The following NCOR2 variants were observed in gnomAD, a reference collection of about 807,000 sequenced individuals.
The protein encoded by NCOR2 is nuclear receptor corepressor 2, also known as CTG repeat protein 26.
Under a neutral mutation model 262.9 loss-of-function variants are expected in NCOR2, and 81 were observed. The observed-to-expected ratio is 0.31, with a 90% CI of 0.26 to 0.37. The LOEUF is 0.37. Ranked by LOEUF, NCOR2 falls within the 10% of genes least tolerant of loss-of-function variation. NCOR2 has a pLI of 1.00. For synonymous variants in NCOR2, 1,659 were observed against 1,559.3 expected (o/e 1.06, Z -1.51); for missense variants, 3,385 against 3,621.4 (o/e 0.93, Z 1.68).
chr12:124,339,527 CACCT>C (rs1393544970), intron 37 of NCOR2, among the ~76,000 whole-genome samples: 4 of 150,476 alleles, frequency 2.7e-5, no homozygotes, highest in South Asian at 4.2e-4. Context: ...CTCACCCACC[CACCT>C]ACCTACCTAA....
At chr12:124,329,116 G>A (rs956226725) in intron 44 of NCOR2, 5 of 470,308 alleles carry the variant, frequency 1.1e-5, no homozygotes, top group Middle Eastern at 3.2e-4. Context: ...AGGTTGAGTG[G>A]CAAAGACTGG....
rs1376020837 is a variant in NCOR2 at position 124,487,870 on chromosome 12, GT to G, written c.106-1303del. ...CCAGATTTGAGAAACATTAAACTGTGTTTAAAAAAAAAAAAAAAAAAAAGAC... is the reference window on the plus strand; with the variant it reads ...CCAGATTTGAGAAACATTAAACTGTGTTAAAAAAAAAAAAAAAAAAAAGAC... On this transcript the variant is annotated intron_variant, in intron 1 of 46. Coordinates refer to ENST00000405201, the Ensembl canonical transcript of NCOR2. Among the ~76,000 whole-genome samples, 4 of 88,656 alleles carry G rather than the reference GT, an allele frequency of 4.5e-5. No homozygotes were observed. In the Admixed American group the frequency reaches 4.9e-4, roughly 11 times the overall value. The allele number at this position is 88,656 out of a possible 152,430, so 58.2% of individuals were successfully genotyped here.
At chr12:124,354,850 G>A (rs756603839) in exon 25 of NCOR2, 13 of 1,612,724 alleles carry the variant, frequency 8.1e-6, no homozygotes, top group Non-Finnish European at 1.1e-5. Context: ...GCTTTTTGGG[G>A]TCCATGGGCA....
At chr12:124,447,881 CTA>C (rs1256493375) in intron 7 of NCOR2, among the ~76,000 whole-genome samples, 3 of 151,956 alleles carry the variant, frequency 2.0e-5, no homozygotes, top group Admixed American at 6.6e-5. Context: ...TCAATTTTTG[CTA>C]TGTTTGGCCA....
At chr12:124,400,364 G>A in intron 15 of NCOR2, 137 bp downstream of exon 17, 1 of 1,199,370 alleles carries the variant, frequency 8.3e-7, no homozygotes, top group Non-Finnish European at 1.2e-6. Flanking sequence ...GGTAGCGCTG[G>A]GATTTGACTC....
chr12:124,560,762 G>T (rs1248956601), intron 1 of NCOR2, among the ~76,000 whole-genome samples: 4 of 152,220 alleles, frequency 2.6e-5, no homozygotes, highest in Non-Finnish European at 5.9e-5. Flanking sequence ...GCCAGGAACC[G>T]AGGGAGACTT....
intron 46 of NCOR2, among the ~76,000 whole-genome samples, chr12:124,325,951 C>A (rs1273983887): frequency 1.3e-5 from 2 of 152,160 alleles, no homozygotes; most frequent in Non-Finnish European, 2.9e-5. Context: ...GTCCACCAGG[C>A]CCATGTGATC....
At chr12:124,379,053 C>T (rs7953329) in intron 17 of NCOR2, among the ~76,000 whole-genome samples, 33,744 of 151,856 alleles carry the variant, frequency 0.22, 4,439 homozygotes, top group African/African-American at 0.34. Flanking sequence ...CTCCTCTGGA[C>T]AGAACAGTCT....
At chr12:124,507,310 A>C (rs1041616500) in intron 1 of NCOR2, among the ~76,000 whole-genome samples, 1 of 152,216 alleles carries the variant, frequency 6.6e-6, no homozygotes, top group Admixed American at 6.5e-5. Context: ...CTACTGAATT[A>C]TCTACTTACC....
At chr12:124,359,642 G>A (rs1237593073) in intron 22 of NCOR2, among the ~76,000 whole-genome samples, 1 of 152,224 alleles carries the variant, frequency 6.6e-6, no homozygotes, top group Non-Finnish European at 1.5e-5. Context: ...GTAAGCCTCT[G>A]GTGCTTCCTC....
At chr12:124,533,956 A>C (rs701031) in intron 1 of NCOR2, among the ~76,000 whole-genome samples, 30,110 of 148,548 alleles carry the variant, frequency 0.2, 3,384 homozygotes, top group Non-Finnish European at 0.26. Context: ...TTAGTTCATC[A>C]GCTATCATTA....
At chr12:124,417,234 C>CAGCAGGCCGGACACTCACTCCACGGAG (rs2042952150) in intron 13 of NCOR2, among the ~76,000 whole-genome samples, 2 of 101,612 alleles carry the variant, frequency 2.0e-5, no homozygotes, top group South Asian at 3.7e-4. Context: ...ACTCCACGGA[C>CAGCAGGCCGGACACTCACTCCACGGAG]AGCAGGCCGG....
At chr12:124,554,571 C>T (rs2051822999) in intron 1 of NCOR2, among the ~76,000 whole-genome samples, 1 of 152,254 alleles carries the variant, frequency 6.6e-6, no homozygotes, top group East Asian at 1.9e-4. Flanking sequence ...CTCCTTACAG[C>T]ACCGCGAGCA....
chr12:124,368,589 G>A (rs932725242), intron 20 of NCOR2, among the ~76,000 whole-genome samples: 4 of 152,182 alleles, frequency 2.6e-5, no homozygotes, highest in Admixed American at 2.0e-4. Context: ...CCTGCTATAG[G>A]CCTCTCTGCT....
chr12:124,351,953 G>C (rs1223091082), intron 27 of NCOR2, among the ~76,000 whole-genome samples: 2 of 152,220 alleles, frequency 1.3e-5, no homozygotes, highest in African/African-American at 2.4e-5. Context: ...TCCCCTGGCA[G>C]AGGGCAGCAC....
intron 1 of NCOR2, among the ~76,000 whole-genome samples, chr12:124,491,535 T>C (rs985666346): frequency 6.6e-6 from 1 of 152,148 alleles, no homozygotes; most frequent in Non-Finnish European, 1.5e-5. Context: ...AGAGGTTAAG[T>C]AACTTGCCCA....
intron 22 of NCOR2, among the ~76,000 whole-genome samples, chr12:124,359,094 G>A (rs1344001750): frequency 6.6e-6 from 1 of 152,196 alleles, no homozygotes; most frequent in African/African-American, 2.4e-5. Context: ...AAACTCAGCG[G>A]GGCCCCGGGG....
chr12:124,561,460 C>G (rs1323460935), intron 1 of NCOR2, among the ~76,000 whole-genome samples: 1 of 152,192 alleles, frequency 6.6e-6, no homozygotes, highest in Non-Finnish European at 1.5e-5. Flanking sequence ...TACCCAATGC[C>G]CCACGTGGCT....
chr12:124,534,695 C>T (rs545001157), intron 1 of NCOR2, among the ~76,000 whole-genome samples: 25 of 152,294 alleles, frequency 1.6e-4, no homozygotes, highest in African/African-American at 2.4e-4. Flanking sequence ...ATGAGCACTC[C>T]GGGAGAAACT....
Sources: gnomAD v4.1 joint callset for allele counts (sites outside exome capture counted in the v4.1 genomes callset) on GRCh38, gnomAD v4.1.1 for gene constraint, MANE v1.5 for transcripts, NCBI Gene and HGNC (gene_info 2026-07-23, HGNC 2026-07-21) for gene names.